Variants in SEPTIN2 observed in about 807,000 individuals in gnomAD.
SEPTIN2 encodes the protein septin 2.
SEPTIN2 carries 34 observed loss-of-function variants against 46.5 expected under a neutral mutation model. The observed-to-expected ratio is 0.73, with a 90% CI of 0.56 to 0.97. The LOEUF is 0.97. Among genes scored for constraint, SEPTIN2 ranks in the 50% least tolerant of loss-of-function variants. The probability of loss-of-function intolerance (pLI) is 0.00; values close to 1 mark genes in which losing one functional copy is unlikely to be tolerated. For missense variants in SEPTIN2, 347 were observed against 448.4 expected (o/e 0.77, Z 2.04); for synonymous variants, 175 against 153.4 (o/e 1.14, Z -1.04).
intron 1 of SEPTIN2, among the ~76,000 whole-genome samples, chr2:241,323,245 A>C (rs925312948): frequency 1.3e-5 from 2 of 150,730 alleles, no homozygotes; most frequent in Non-Finnish European, 3.0e-5. Context: ...ATCTCGGCTC[A>C]CTGCAACCTC....
At chr2:241,350,312 T>A (rs1321354598) in intron 12 of SEPTIN2, 109 bp downstream of exon 12, 6 of 507,908 alleles carry the variant, frequency 1.2e-5, no homozygotes, top group Non-Finnish European at 2.0e-5. Context: ...CATTTTGAAG[T>A]AACTCCATCA....
In SEPTIN2 at chr2:241,349,864, T is replaced by A. The variant is rs565761239; in HGVS notation, c.985-209T>A. ...GTCTTATCTTTCTTTGGTTATTGTTTCTGTTTGGCTTGCATATTCGTATCA... is the reference window on the plus strand; with the variant it reads ...GTCTTATCTTTCTTTGGTTATTGTTACTGTTTGGCTTGCATATTCGTATCA... On this transcript the variant is annotated intron_variant, in intron 11 of 12. Transcript: ENST00000391971. 2.6e-5 allele frequency among the ~76,000 whole-genome samples: 4 copies of A among 152,328 alleles called. No individual in the cohort carries two copies. In the East Asian group the frequency reaches 7.7e-4, roughly 29 times the overall value.
intron 7 of SEPTIN2, among the ~76,000 whole-genome samples, chr2:241,339,036 A>C (rs2080872233): frequency 4.4e-5 from 4 of 91,450 alleles, no homozygotes; most frequent in Non-Finnish European, 9.6e-5. Flanking sequence ...TTATATACAT[A>C]TTATATATAC....
chr2:241,331,283 C>T (rs564106127), intron 3 of SEPTIN2, among the ~76,000 whole-genome samples: 11 of 152,308 alleles, frequency 7.2e-5, no homozygotes, highest in Non-Finnish European at 1.3e-4. Flanking sequence ...TTTAACAAAA[C>T]GTGCAAGACC....
intron 3 of SEPTIN2, among the ~76,000 whole-genome samples, chr2:241,329,704 C>T (rs1200506205): frequency 1.3e-5 from 2 of 152,210 alleles, no homozygotes; most frequent in Non-Finnish European, 2.9e-5. Context: ...ATGCGTCTAC[C>T]TTACTGCTGT....
chr2:241,345,072 C>T (rs910383758), intron 9 of SEPTIN2, among the ~76,000 whole-genome samples: 1 of 151,818 alleles, frequency 6.6e-6, no homozygotes, highest in Non-Finnish European at 1.5e-5. Flanking sequence ...GGGATTGCGC[C>T]ACTGCACTCC....
chr2:241,335,290 C>T (rs1400184176), intron 4 of SEPTIN2, 78 bp downstream of exon 4: 18 of 1,571,104 alleles, frequency 1.1e-5, no homozygotes, highest in Non-Finnish European at 1.5e-5. Context: ...TATTTTATGT[C>T]TTAGCTGTGT....
chr2:241,343,132 T>G, intron 8 of SEPTIN2, 39 bp downstream of exon 8: 1 of 1,093,004 alleles, frequency 9.1e-7, no homozygotes, highest in Non-Finnish European at 1.4e-6. Context: ...AAATAACTCC[T>G]GTTTACTGTT....
chr2:241,345,692 T>C, intron 9 of SEPTIN2, among the ~76,000 whole-genome samples: 1 of 152,248 alleles, frequency 6.6e-6, no homozygotes, highest in East Asian at 1.9e-4. Flanking sequence ...CTTCACTTTA[T>C]GGTCTTGTAC....
At chr2:241,320,353 A>G (rs571352077) in intron 1 of SEPTIN2, 1 of 469,302 alleles carries the variant, frequency 2.1e-6, no homozygotes, top group South Asian at 1.6e-5. Flanking sequence ...TTGGTTCTGT[A>G]TTGGTAATTT....
intron 10 of SEPTIN2, among the ~76,000 whole-genome samples, chr2:241,347,491 C>CT (rs2060364378): frequency 6.6e-6 from 1 of 152,164 alleles, no homozygotes; most frequent in Non-Finnish European, 1.5e-5. Context: ...GGAGCTTACC[C>CT]TTTGCCCCTC....
intron 11 of SEPTIN2, among the ~76,000 whole-genome samples, chr2:241,349,371 TAAA>T (rs569301265): frequency 1.7e-5 from 2 of 117,264 alleles, no homozygotes; most frequent in Admixed American, 9.3e-5. Flanking sequence ...CCCATCCCTT[TAAA>T]AAAAAAAAAA....
At chr2:241,324,190 GTGTC>G (rs750797082) in intron 1 of SEPTIN2, 22 bp from the exon 2 acceptor site, 2 of 1,606,128 alleles carry the variant, frequency 1.2e-6, no homozygotes, top group Non-Finnish European at 1.7e-6. Context: ...GCGTTTATGT[GTGTC>G]TGTGTGTTTT....
intron 7 of SEPTIN2, among the ~76,000 whole-genome samples, chr2:241,340,444 A>G (rs956738174): frequency 6.6e-6 from 1 of 152,198 alleles, no homozygotes; most frequent in African/African-American, 2.4e-5. Flanking sequence ...TTTAAGCAGC[A>G]TGTAGTCATG....
In SEPTIN2 at chr2:241,343,167, G is replaced by T. The variant is rs569208483; in HGVS notation, c.696+74G>T. The T allele has an allele frequency of 6.6e-5, 56 of 848,968 alleles. No homozygotes were observed. In the Middle Eastern group the frequency reaches 1.1e-3, roughly 17 times the overall value. The allele number at this position is 848,968 out of a possible 1,614,324, so 52.6% of individuals were successfully genotyped here. A position where few individuals can be genotyped will look rare whatever the true frequency, so the allele number is the denominator to read the frequency against. ...TGTCCATGTTGAGGTGAGAGAGATT[G>T]CCTGGGTATGTTCAGTTACGAGAGT... On this transcript the variant is annotated intron_variant, in intron 8 of 12. Transcript: ENST00000391971.
intron 1 of SEPTIN2, chr2:241,320,101 G>A (rs544425099): frequency 5.1e-6 from 2 of 390,856 alleles, no homozygotes; most frequent in South Asian, 3.9e-5. Context: ...TTGGCCTATG[G>A]CGTTCATTCA....
At chr2:241,323,378 C>T (rs1431486814) in intron 1 of SEPTIN2, among the ~76,000 whole-genome samples, 2 of 152,008 alleles carry the variant, frequency 1.3e-5, no homozygotes, top group Non-Finnish European at 2.9e-5. Context: ...CCATGTTGGC[C>T]AGGCTGGTCT....
At chr2:241,349,812 C>T (rs2060624754) in intron 11 of SEPTIN2, among the ~76,000 whole-genome samples, 1 of 152,292 alleles carries the variant, frequency 6.6e-6, no homozygotes, top group African/African-American at 2.4e-5. Flanking sequence ...CAGAGTGAGA[C>T]TCTGTCTTAA....
At chr2:241,337,872 C>A in intron 7 of SEPTIN2, 82 bp downstream of exon 7, 1 of 940,576 alleles carries the variant, frequency 1.1e-6, no homozygotes, top group Non-Finnish European at 1.7e-6. Flanking sequence ...TTCCCACGCT[C>A]AGTCTGCTCA....
Sources: gnomAD v4.1 joint callset for allele counts (sites outside exome capture counted in the v4.1 genomes callset) on GRCh38, gnomAD v4.1.1 for gene constraint, MANE v1.5 for transcripts, NCBI Gene and HGNC (gene_info 2026-07-23, HGNC 2026-07-21) for gene names.